The following SMC3 variants were observed in gnomAD, a reference collection of about 807,000 sequenced individuals.
SMC3 encodes the protein structural maintenance of chromosomes 3.
A neutral mutation model predicts 171.8 loss-of-function variants in SMC3; 20 were observed. The observed-to-expected ratio is 0.12, with a 90% CI of 0.08 to 0.17. SMC3 has a LOEUF of 0.17. SMC3 is among the 10% of genes least tolerant of loss of function. The pLI is 1.00. For missense variants in SMC3, 543 were observed against 1,420.4 expected (o/e 0.38, Z 9.93); for synonymous variants, 464 against 451.1 (o/e 1.03, Z -0.36).
intron 17 of SMC3, among the ~76,000 whole-genome samples, chr10:110,592,430 T>C (rs999874918): frequency 6.6e-6 from 1 of 152,170 alleles, no homozygotes; most frequent in Non-Finnish European, 1.5e-5. Flanking sequence ...TTTCTTGTGG[T>C]TATGTTGGTG....
chr10:110,577,185 C>T (rs2134718282), intron 4 of SMC3, among the ~76,000 whole-genome samples: 1 of 152,232 alleles, frequency 6.6e-6, no homozygotes, highest in Middle Eastern at 3.4e-3. Flanking sequence ...AATCTAACGT[C>T]TCTGCTGTTT....
At position 110,583,641 on chromosome 10, in the gene SMC3, T is replaced by TA; in HGVS notation, c.969+93_969+94insA. 2.3e-6 allele frequency: 3 copies of TA among 1,320,362 alleles called. No homozygotes were observed. In the South Asian group the frequency reaches 3.7e-5, roughly 16 times the overall value. 81.8% of individuals were successfully genotyped at this position (1,320,362 alleles called of 1,614,324 possible). A position where few individuals can be genotyped will look rare whatever the true frequency, so the allele number is the denominator to read the frequency against. ...TTTCTGTGACTGGTGTGTGTTGGAA[T>TA]TTTTTTTTAAGCTTTGCTACGTTAG... On this transcript the variant is annotated intron_variant, in intron 11 of 28. Transcript: ENST00000361804.
intron 6 of SMC3, among the ~76,000 whole-genome samples, chr10:110,578,263 G>T (rs542729118): frequency 6.6e-6 from 1 of 151,980 alleles, no homozygotes; most frequent in Non-Finnish European, 1.5e-5. Context: ...TAGTAGAGAC[G>T]GGGTTTCACC....
rs138179016 is a variant in SMC3, at chr10:110,572,229, T to C, written c.92-1478T>C. ...CACCATGGTCCTTTACCTCTGACTT[T>C]AATGTGTACTTTCTAAGAGGAGGGA... On this transcript the variant is annotated intron_variant, in intron 2 of 28. Coordinates refer to ENST00000361804, the MANE Select transcript of SMC3 (RefSeq NM_005445.4). 6.8e-3 allele frequency among the ~76,000 whole-genome samples: 1,041 copies of C among 152,326 alleles called. 9 individuals carry two copies. The highest frequency in any genetic ancestry group is 0.021 in the African/African-American group (890 of 41,576).
At chr10:110,581,809 C>G (rs1590555087) in intron 8 of SMC3, 114 bp from the exon 9 acceptor site, 1 of 1,043,522 alleles carries the variant, frequency 9.6e-7, no homozygotes, top group African/African-American at 1.6e-5. Context: ...CACATCACAT[C>G]AAAGAAATAA....
chr10:110,574,119 CGT>C (rs375716187), intron 3 of SMC3, among the ~76,000 whole-genome samples: 3 of 152,088 alleles, frequency 2.0e-5, no homozygotes, highest in Admixed American at 1.3e-4. Context: ...ATATTTTAAA[CGT>C]ATGTAAATGC....
intron 5 of SMC3, 26 bp downstream of exon 5, chr10:110,577,518 T>C (rs370229242): frequency 4.0e-6 from 6 of 1,482,402 alleles, no homozygotes; most frequent in Non-Finnish European, 5.7e-6. Context: ...TTTAAAGTAA[T>C]GTTGAGAATT....
chr10:110,600,351 G>A, intron 21 of SMC3, 88 bp from the exon 22 acceptor site: 2 of 757,348 alleles, frequency 2.6e-6, no homozygotes, highest in Non-Finnish European at 4.8e-6. Flanking sequence ...GCTCACATGA[G>A]CACAAGTACT....
chr10:110,577,740 T>C (rs1860974169), intron 5 of SMC3, 95 bp from the exon 6 acceptor site: 1 of 837,480 alleles, frequency 1.2e-6, no homozygotes, highest in Non-Finnish European at 1.9e-6. Flanking sequence ...AATTTTAAAA[T>C]AAATACTTAT....
At chr10:110,584,520 C>A in intron 13 of SMC3, 124 bp downstream of exon 13, 2 of 689,418 alleles carry the variant, frequency 2.9e-6, no homozygotes, top group Non-Finnish European at 5.0e-6. Context: ...ATGACAGATA[C>A]TTATTTAGAA....
chr10:110,595,793 A>T (rs181445761), intron 18 of SMC3, among the ~76,000 whole-genome samples: 1 of 151,628 alleles, frequency 6.6e-6, no homozygotes, highest in Admixed American at 6.6e-5. Flanking sequence ...TGTTATTTTG[A>T]TGCTCAAATT....
chr10:110,584,798 A>G (rs955919904), intron 13 of SMC3, among the ~76,000 whole-genome samples: 1 of 151,892 alleles, frequency 6.6e-6, no homozygotes, highest in Admixed American at 6.6e-5. Context: ...ATTTTTATTT[A>G]TTTTTTTGTA....
At position 110,581,797 on chromosome 10, in the gene SMC3, A is replaced by G. The variant is rs1272977068; in HGVS notation, c.548-126A>G. ...CTATTTTAGTATTTTAAATTGGGTT[A>G]CCACATCACATCAAAGAAATAATGC... On this transcript the variant is annotated intron_variant, in intron 8 of 28. Transcript: ENST00000361804. 3.1e-6 allele frequency: 3 copies of G among 953,054 alleles called. No homozygotes were observed. In the African/African-American group the frequency reaches 5.0e-5, roughly 16 times the overall value. 59.0% of individuals were successfully genotyped at this position (953,054 alleles called of 1,614,324 possible). A position where few individuals can be genotyped will look rare whatever the true frequency, so the allele number is the denominator to read the frequency against.
At chr10:110,575,209 A>G (rs1040002587) in intron 3 of SMC3, 127 bp from the exon 4 acceptor site, 15 of 718,748 alleles carry the variant, frequency 2.1e-5, no homozygotes, top group Non-Finnish European at 3.2e-5. Context: ...TTTTGTCCAT[A>G]TGAAACAGAT....
chr10:110,594,946 T>C (rs987228130), intron 18 of SMC3, among the ~76,000 whole-genome samples: 3 of 152,080 alleles, frequency 2.0e-5, no homozygotes, highest in Non-Finnish European at 4.4e-5. Flanking sequence ...TCCTAAAATA[T>C]TTTTCTATTT....
intron 18 of SMC3, among the ~76,000 whole-genome samples, chr10:110,595,491 C>A (rs77352302): frequency 1.3e-5 from 2 of 152,122 alleles, no homozygotes; most frequent in Admixed American, 6.5e-5. Context: ...CAGATCTCTC[C>A]GTTGTAAAGG....
intron 6 of SMC3, among the ~76,000 whole-genome samples, chr10:110,578,410 T>G (rs184145158): frequency 2.0e-5 from 3 of 152,340 alleles, no homozygotes; most frequent in African/African-American, 7.2e-5. Context: ...TAAAAAGTAT[T>G]CTTTTACCTG....
rs1479856070 is a variant in SMC3 at position 110,601,958 on chromosome 10, C to CTAT, written c.2893-7_2893-6insATT. 6.2e-7 allele frequency: 1 copy of CTAT among 1,611,520 alleles called. No homozygotes were observed. Among genetic ancestry groups the CTAT allele is most frequent in the African/African-American group, 1.3e-5 (1 of 74,812 alleles). On this transcript the variant is annotated splice_polypyrimidine_tract_variant and splice_region_variant and intron_variant, in intron 24 of 28. Transcript: ENST00000361804. ...TTATTTATATGAATACATATTTTCT[C>CTAT]TTTATAGTTGTTTCGAAAACTTGAG...
rs1204554146 is a variant in SMC3 at position 110,600,322 on chromosome 10, C to T, written c.2428-117C>T. The T allele has an allele frequency of 2.0e-5, 14 of 699,790 alleles. No homozygotes were observed. The East Asian group carries it at 2.5e-4, about 12-fold the overall frequency. The allele number at this position is 699,790 out of a possible 1,614,324, so 43.3% of individuals were successfully genotyped here. ...TATAGGGCTTTTTTGAAGAATATAACATATTAAACTTCATTTCAGCTCACA... is the reference window on the plus strand; with the variant it reads ...TATAGGGCTTTTTTGAAGAATATAATATATTAAACTTCATTTCAGCTCACA... On this transcript the variant is annotated intron_variant, in intron 21 of 28. Coordinates refer to ENST00000361804, the MANE Select transcript of SMC3 (RefSeq NM_005445.4).
Sources: gnomAD v4.1 joint callset for allele counts (sites outside exome capture counted in the v4.1 genomes callset) on GRCh38, gnomAD v4.1.1 for gene constraint, MANE v1.5 for transcripts, NCBI Gene and HGNC (gene_info 2026-07-23, HGNC 2026-07-21) for gene names.